LAMA2: variants seen among roughly 807,000 people sequenced by gnomAD.
LAMA2 encodes the protein laminin subunit alpha 2, also known as laminin subunit alpha-2.
A neutral mutation model predicts 364.8 loss-of-function variants in LAMA2; 269 were observed. The ratio of observed to expected loss-of-function variants is 0.74; its 90% CI spans 0.67 to 0.82. LAMA2 has a LOEUF of 0.82. Ranked by LOEUF, LAMA2 falls within the 40% of genes least tolerant of loss-of-function variation. The probability of loss-of-function intolerance (pLI) is 0.00; values close to 1 mark genes in which losing one functional copy is unlikely to be tolerated. For synonymous variants in LAMA2, 1,379 were observed against 1,370.6 expected (o/e 1.01, Z -0.14); for missense variants, 3,807 against 3,873.2 (o/e 0.98, Z 0.45).
Position 129,502,708 on chromosome 6 carries a change from A to G in LAMA2, c.8294A>G (p.Gln2765Arg). The change falls in exon 59 of 65, where the codon CAG becomes CGG. Residue 2765 changes from glutamine (Q) to arginine (R), a missense_variant. Gln to Arg is a conservative substitution (Grantham distance 43). Around this residue, in one of 3 missense-constraint regions of LAMA2, gnomAD observed 3,333 missense variants for 3,345.7 expected, o/e 1.00. Coordinates refer to ENST00000421865, the MANE Select transcript of LAMA2 (RefSeq NM_000426.4). Reference sequence around the variant, plus strand: ...CCAGCTCTTTTGATAGGGAGCAAGCAGTTCGGGCTTTCAAGAAACAGTCAC... The same window carrying G: ...CCAGCTCTTTTGATAGGGAGCAAGCGGTTCGGGCTTTCAAGAAACAGTCAC... ...SEPALLIGSK[Q>R]FGLSRNSHIA... is the part of the protein sequence containing the mutation. 1.9e-6 allele frequency: 3 copies of G among 1,614,128 alleles called. No homozygotes were observed. Among genetic ancestry groups the G allele is most frequent in the Non-Finnish European group, 2.5e-6 (3 of 1,179,976 alleles).
At chr6:129,159,453 G>A (rs1276020962) in intron 8 of LAMA2, among the ~76,000 whole-genome samples, 1 of 152,328 alleles carries the variant, frequency 6.6e-6, no homozygotes, top group African/African-American at 2.4e-5. Context: ...TGATGGAGGC[G>A]CCCCGGCCGG....
At chr6:129,394,962 AATAG>A (rs969908950) in intron 37 of LAMA2, among the ~76,000 whole-genome samples, 37 of 152,322 alleles carry the variant, frequency 2.4e-4, no homozygotes, top group African/African-American at 8.2e-4. Flanking sequence ...TACTGGATAA[AATAG>A]ATAAACTAAC....
chr6:129,501,527 TA>T (rs1218288054), intron 58 of LAMA2, among the ~76,000 whole-genome samples: 1 of 152,216 alleles, frequency 6.6e-6, no homozygotes, highest in African/African-American at 2.4e-5. Context: ...CCTCATCAAG[TA>T]AAAATTTCCT....
chr6:129,148,752 G>C (rs1778627692), intron 6 of LAMA2, among the ~76,000 whole-genome samples: 1 of 152,042 alleles, frequency 6.6e-6, no homozygotes, highest in Non-Finnish European at 1.5e-5. Context: ...GCTTTCTTCT[G>C]AGCCTAAACC....
intron 9 of LAMA2, among the ~76,000 whole-genome samples, chr6:129,168,497 G>A (rs1272140340): frequency 6.6e-6 from 1 of 151,992 alleles, no homozygotes; most frequent in Admixed American, 6.6e-5. Flanking sequence ...TTATTTCTGA[G>A]GGCTCTGTTC....
At chr6:129,123,682 T>C (rs1776943117) in intron 4 of LAMA2, among the ~76,000 whole-genome samples, 1 of 152,028 alleles carries the variant, frequency 6.6e-6, no homozygotes, top group Non-Finnish European at 1.5e-5. Flanking sequence ...ACTAAAATAG[T>C]CAAAACTCAG....
At position 129,514,465 on chromosome 6, in the gene LAMA2, A is replaced by C; in HGVS notation, c.9081A>C (p.Lys3027Asn). ...PGHLCDGQWH[K>N]VTANKIKHRI... ...ATTTGTGTGATGGACAATGGCATAA[A>C]GTCACTGCCAACAAGATCAAACACC... is the stretch of plus-strand genomic sequence containing the variant. Residue 3027 changes from lysine (K) to asparagine (N), a missense_variant, in exon 64 of 65, where the codon AAA becomes AAC. This residue lies in a region of LAMA2 where 3,333 missense variants were observed against 3,345.7 expected (regional missense o/e 1.00). Coordinates refer to ENST00000421865, the MANE Select transcript of LAMA2 (RefSeq NM_000426.4). 6.2e-7 allele frequency: 1 copy of C among 1,614,112 alleles called. No individual in the cohort carries two copies. Among genetic ancestry groups the C allele is most frequent in the Non-Finnish European group, 8.5e-7 (1 of 1,179,992 alleles).
intron 28 of LAMA2, among the ~76,000 whole-genome samples, chr6:129,325,595 T>A (rs1775230493): frequency 6.6e-6 from 1 of 151,922 alleles, no homozygotes; most frequent in Non-Finnish European, 1.5e-5. Context: ...TCAAATACTC[T>A]CTCTCTCTCT....
intron 29 of LAMA2, among the ~76,000 whole-genome samples, chr6:129,329,065 A>G (rs1468935414): frequency 6.6e-6 from 1 of 152,124 alleles, no homozygotes; most frequent in East Asian, 1.9e-4. Flanking sequence ...CAGAACAATC[A>G]TGTGTTCCAC....
At chr6:129,327,970 A>G (rs1026590706) in intron 28 of LAMA2, among the ~76,000 whole-genome samples, 1 of 152,234 alleles carries the variant, frequency 6.6e-6, no homozygotes, top group Non-Finnish European at 1.5e-5. Context: ...CCATATGACA[A>G]TGTTATTTAA....
intron 62 of LAMA2, 108 bp from the exon 63 acceptor site, chr6:129,512,255 T>TTAGCTAGCATTTGAATTGAAA: frequency 9.3e-7 from 1 of 1,077,814 alleles, no homozygotes; most frequent in African/African-American, 1.6e-5. Flanking sequence ...CTCATTAGAA[T>TTAGCTAGCATTTGAATTGAAA]TAGCTAGCAT....
intron 62 of LAMA2, among the ~76,000 whole-genome samples, chr6:129,511,790 A>G (rs1274516060): frequency 6.6e-6 from 1 of 152,042 alleles, no homozygotes; most frequent in Non-Finnish European, 1.5e-5. Flanking sequence ...GATGAACAAG[A>G]TAAGTCTATT....
intron 17 of LAMA2, among the ~76,000 whole-genome samples, chr6:129,275,279 A>C (rs1243961671): frequency 2.0e-5 from 3 of 152,056 alleles, no homozygotes; most frequent in African/African-American, 7.2e-5. Context: ...TTTTATGTGC[A>C]CATGGGAGAT....
At chr6:129,026,598 CTTCA>C (rs1267839840) in intron 1 of LAMA2, among the ~76,000 whole-genome samples, 1 of 152,122 alleles carries the variant, frequency 6.6e-6, no homozygotes, top group Middle Eastern at 3.2e-3. Context: ...TCCCAAATAA[CTTCA>C]TTCATGTAAG....
Position 129,107,703 on chromosome 6 carries a change from A to T in LAMA2, c.639+9288A>T, listed in dbSNP as rs535598875. On this transcript the variant is annotated intron_variant, in intron 4 of 64. Transcript: ENST00000421865. ...TAAGAAATTTCCCATGTATAAATTC[A>T]TATATACTAATACTTGTCGCATTTT... Among the ~76,000 whole-genome samples the T allele has an allele frequency of 4.6e-5, 7 of 152,334 alleles. No homozygotes were observed. In the South Asian group the frequency reaches 1.5e-3, roughly 32 times the overall value.
chr6:128,926,176 G>T (rs1438999428), intron 1 of LAMA2, among the ~76,000 whole-genome samples: 1 of 151,958 alleles, frequency 6.6e-6, no homozygotes, highest in Non-Finnish European at 1.5e-5. Flanking sequence ...ACATGGGGAG[G>T]TAGAGTGTTG....
chr6:129,382,369 G>A (rs889426730), intron 34 of LAMA2, among the ~76,000 whole-genome samples: 3 of 152,074 alleles, frequency 2.0e-5, no homozygotes, highest in South Asian at 2.1e-4. Context: ...TATTTTAACC[G>A]TGAACACGTT....
intron 57 of LAMA2, 78 bp from the exon 58 acceptor site, chr6:129,492,237 G>T (rs1784904634): frequency 2.0e-6 from 3 of 1,493,350 alleles, no homozygotes; most frequent in African/African-American, 2.8e-5. Context: ...GACTTAAAAA[G>T]GCATGCGGGG....
intron 33 of LAMA2, among the ~76,000 whole-genome samples, chr6:129,368,503 G>C (rs560963153): frequency 6.6e-6 from 1 of 152,148 alleles, no homozygotes; most frequent in Non-Finnish European, 1.5e-5. Context: ...AAAGAATGCC[G>C]ATCAGTTATT....
Sources: allele counts gnomAD v4.1 joint callset (sites outside exome capture counted in the v4.1 genomes callset), GRCh38; gene constraint gnomAD v4.1.1; regional missense constraint gnomAD v4.1.1; transcripts MANE v1.5; gene names NCBI Gene and HGNC (gene_info 2026-07-23, HGNC 2026-07-21).